Variants in LARGE1 observed in about 807,000 individuals in gnomAD.
LARGE1 encodes the protein LARGE xylosyl- and glucuronyltransferase 1.
In LARGE1, 43 loss-of-function variants were observed where a neutral mutation model predicts 87.6. That is an observed-to-expected ratio of 0.49 (90% confidence interval 0.38 to 0.63). The LOEUF (loss-of-function observed/expected upper bound fraction) is 0.63. LARGE1 is among the 30% of genes least tolerant of loss of function. The probability of loss-of-function intolerance (pLI) is 0.00; values close to 1 mark genes in which losing one functional copy is unlikely to be tolerated. For missense variants in LARGE1, 802 were observed against 1,000.2 expected, an observed-to-expected ratio of 0.80 and a Z score of 2.67; for synonymous variants, 434 against 394.6, an observed-to-expected ratio of 1.10 and a Z score of -1.18.
intron 1 of LARGE1, among the ~76,000 whole-genome samples, chr22:33,781,566 C>G (rs2085421984): frequency 6.6e-6 from 1 of 152,174 alleles, no homozygotes; most frequent in African/African-American, 2.4e-5. Flanking sequence ...ATGCAGACAG[C>G]AGAAGCCCCA....
At chr22:33,382,659 G>A (rs1264947742) in intron 8 of LARGE1, among the ~76,000 whole-genome samples, 1 of 152,150 alleles carries the variant, frequency 6.6e-6, no homozygotes, top group African/African-American at 2.4e-5. Context: ...GTTGCACCAG[G>A]CCATACTTAT....
At chr22:33,798,581 T>C (rs932549007) in intron 1 of LARGE1, among the ~76,000 whole-genome samples, 3 of 152,304 alleles carry the variant, frequency 2.0e-5, no homozygotes, top group Admixed American at 6.5e-5. Context: ...CACATGGCTT[T>C]TTCGCAACAG....
chr22:33,463,932 C>A (rs1281600160), intron 6 of LARGE1, among the ~76,000 whole-genome samples: 1 of 152,108 alleles, frequency 6.6e-6, no homozygotes. Context: ...CCTTGGCCCC[C>A]CAAAGTGCTG....
intron 11 of LARGE1, among the ~76,000 whole-genome samples, chr22:33,194,515 T>G (rs186866584): frequency 1.4e-4 from 21 of 152,338 alleles, no homozygotes; most frequent in Admixed American, 1.4e-3. Flanking sequence ...TTTTAGTCTC[T>G]TCTGAGCCTA....
intron 1 of LARGE1, among the ~76,000 whole-genome samples, chr22:33,856,123 C>T (rs1194524357): frequency 6.6e-6 from 1 of 152,116 alleles, no homozygotes; most frequent in African/African-American, 2.4e-5. Context: ...TAGGGGACAG[C>T]AGAAGAGAGC....
At chr22:33,731,921 T>G (rs1172560740) in intron 2 of LARGE1, among the ~76,000 whole-genome samples, 1 of 152,222 alleles carries the variant, frequency 6.6e-6, no homozygotes, top group African/African-American at 2.4e-5. Flanking sequence ...ACTGAATCAG[T>G]AATTAATCTA....
chr22:33,418,183 G>A (rs1439318642), intron 7 of LARGE1, among the ~76,000 whole-genome samples: 1 of 152,128 alleles, frequency 6.6e-6, no homozygotes, highest in Non-Finnish European at 1.5e-5. Flanking sequence ...TCCTGACCTT[G>A]TGATCCACCC....
chr22:33,076,582 C>G, the LARGE1 span, among the ~76,000 whole-genome samples: 1 of 152,050 alleles, frequency 6.6e-6, no homozygotes, highest in African/African-American at 2.4e-5. Context: ...TTCCTGCTGT[C>G]CGTGGTGCTG....
At chr22:33,191,110 T>C (rs1240377593) in intron 11 of LARGE1, among the ~76,000 whole-genome samples, 1 of 152,270 alleles carries the variant, frequency 6.6e-6, no homozygotes, top group African/African-American at 2.4e-5. Context: ...TGACAGTTTA[T>C]GTATGTTTGC....
At chr22:33,076,584 G>A in the LARGE1 span, among the ~76,000 whole-genome samples, 3 of 152,148 alleles carry the variant, frequency 2.0e-5, no homozygotes, top group Non-Finnish European at 4.4e-5. Flanking sequence ...CCTGCTGTCC[G>A]TGGTGCTGAA....
intron 1 of LARGE1, among the ~76,000 whole-genome samples, chr22:33,917,104 G>A (rs1027564002): frequency 6.6e-6 from 1 of 152,200 alleles, no homozygotes; most frequent in Admixed American, 6.5e-5. Context: ...ACTCAGGTGG[G>A]TTCACAGGTT....
rs1403156150 is a variant in LARGE1, at chr22:33,675,535, C to A, written c.107-24867G>T. On this transcript the variant is annotated intron_variant, in intron 2 of 14. Coordinates refer to ENST00000397394, the MANE Select transcript of LARGE1 (RefSeq NM_133642.5). ...GTTGATGTACTTGGGAAACAAAAAA[C>A]AACAAAATAAGACAAAACGAAGGCC... Among the ~76,000 whole-genome samples, 5 of 152,014 alleles carry A rather than the reference C, an allele frequency of 3.3e-5. 1 individual carries two copies. Among genetic ancestry groups the A allele is most frequent in the Non-Finnish European group, 7.4e-5 (5 of 67,984 alleles).
upstream of LARGE1, among the ~76,000 whole-genome samples, chr22:33,922,141 C>A (rs2065964860): frequency 6.6e-6 from 1 of 152,052 alleles, no homozygotes; most frequent in South Asian, 2.1e-4. Flanking sequence ...CTCCAGGACT[C>A]GAGCGAGGCA....
chr22:33,904,397 C>T (rs2065374962), intron 1 of LARGE1, among the ~76,000 whole-genome samples: 1 of 152,156 alleles, frequency 6.6e-6, no homozygotes, highest in Non-Finnish European at 1.5e-5. Context: ...CTCGTGGTCC[C>T]CCCGCCTCGG....
At chr22:33,477,553 C>T (rs2069131522) in intron 6 of LARGE1, among the ~76,000 whole-genome samples, 1 of 152,084 alleles carries the variant, frequency 6.6e-6, no homozygotes, top group Non-Finnish European at 1.5e-5. Context: ...TAAAAGCGTT[C>T]AGAATACCCC....
At chr22:33,312,254 C>T (rs1006712860) in intron 11 of LARGE1, among the ~76,000 whole-genome samples, 46 of 152,050 alleles carry the variant, frequency 3.0e-4, no homozygotes, top group Middle Eastern at 3.4e-3. Flanking sequence ...CCATGCTGGC[C>T]AACATGGTGA....
At chr22:33,370,339 C>T (rs1384112013) in intron 9 of LARGE1, among the ~76,000 whole-genome samples, 5 of 152,130 alleles carry the variant, frequency 3.3e-5, no homozygotes, top group Non-Finnish European at 5.9e-5. Flanking sequence ...AATTCAAGGC[C>T]ACTGGAGATT....
chr22:33,335,363 G>T (rs917377021), intron 10 of LARGE1, among the ~76,000 whole-genome samples: 2 of 152,172 alleles, frequency 1.3e-5, no homozygotes, highest in African/African-American at 4.8e-5. Context: ...CCTCTAGGGT[G>T]ATGGGGAGAA....
intron 1 of LARGE1, among the ~76,000 whole-genome samples, chr22:33,789,488 G>A (rs1303827238): frequency 2.0e-5 from 3 of 152,210 alleles, no homozygotes; most frequent in African/African-American, 4.8e-5. Context: ...GGAGCTGTGA[G>A]AAGAGGGCCA....
Sources: gnomAD v4.1 joint callset for allele counts (sites outside exome capture counted in the v4.1 genomes callset) on GRCh38, gnomAD v4.1.1 for gene constraint, MANE v1.5 for transcripts, NCBI Gene and HGNC (gene_info 2026-07-23, HGNC 2026-07-21) for gene names.